The following NBPF19 variants were observed in gnomAD, a reference collection of about 807,000 sequenced individuals.
NBPF19 encodes the protein NBPF family member NBPF19.
Under a neutral mutation model 45.9 loss-of-function variants are expected in NBPF19, and 30 were observed. That is an observed-to-expected ratio of 0.65 (90% confidence interval 0.49 to 0.89). The LOEUF (loss-of-function observed/expected upper bound fraction) is 0.89, where lower values mean the gene tolerates loss of function less well. Ranked by LOEUF, NBPF19 falls within the 40% of genes least tolerant of loss-of-function variation. The pLI, the probability that NBPF19 is intolerant of heterozygous loss-of-function variation, is 0.00. For missense variants in NBPF19, 495 were observed against 471.8 expected, an observed-to-expected ratio of 1.05 and a Z score of -0.46; for synonymous variants, 183 against 181.2, an observed-to-expected ratio of 1.01 and a Z score of -0.08.
rs2087215245 is a variant in NBPF19, at chr1:149,555,066, A to T, written c.*328A>T. ...TGCAGGCATGTCTCTGAGCTTCTAT[A>T]CCTGCTCAAGGTCAGTGTCATCTTT... is the stretch of plus-strand genomic sequence containing the variant. On this transcript the variant is annotated 3_prime_UTR_variant, in exon 94 of 94. Transcript: ENST00000651566. The T allele has an allele frequency of 7.5e-6, 3 of 400,920 alleles. No homozygotes were observed. 24.8% of individuals were successfully genotyped at this position (400,920 alleles called of 1,614,324 possible). A position where few individuals can be genotyped will look rare whatever the true frequency, so the allele number is the denominator to read the frequency against.
intron 3 of NBPF19, among the ~76,000 whole-genome samples, chr1:149,478,370 C>T (rs1209184911): frequency 6.6e-6 from 1 of 151,244 alleles, no homozygotes; most frequent in Non-Finnish European, 1.5e-5. Context: ...CACCACCCCA[C>T]TTACCCTTAG....
At chr1:149,554,390 C>T in intron 93 of NBPF19, 105 bp from the exon 94 acceptor site, 2 of 1,600,450 alleles carry the variant, frequency 1.2e-6, no homozygotes, top group South Asian at 1.1e-5. Flanking sequence ...TGGATCTATC[C>T]TTTTTCTTTT....
Position 149,488,167 on chromosome 1 carries a change from T to C in NBPF19, c.1195T>C (p.Leu399=). 3.0e-6 allele frequency: 2 copies of C among 671,702 alleles called. No individual in the cohort carries two copies. Among genetic ancestry groups the C allele is most frequent in the Admixed American group, 4.5e-5 (2 of 44,756 alleles). 41.6% of individuals were successfully genotyped at this position (671,702 alleles called of 1,614,324 possible). A position where few individuals can be genotyped will look rare whatever the true frequency, so the allele number is the denominator to read the frequency against. The part of the protein sequence containing the change: ...FYVLEQQRVG[L]AIDMDEIEKY... ...CGTATTGGAGCAACAGCGTGTTGGCTTGGCTATTGACATGGATGGTGAGTA... is the reference window on the plus strand; with the variant it reads ...CGTATTGGAGCAACAGCGTGTTGGCCTGGCTATTGACATGGATGGTGAGTA... Residue 399 remains leucine (L), a synonymous_variant, in exon 10 of 94, where the codon TTG becomes CTG. Coordinates refer to ENST00000651566, the MANE Select transcript of NBPF19 (RefSeq NM_001351365.2).
In NBPF19 at chr1:149,554,539, A is replaced by T; in HGVS notation, c.11333A>T (p.Gln3778Leu). Residue 3778 changes from glutamine to leucine, a missense_variant, in exon 94 of 94, where the codon CAG becomes CTG. Physicochemically the swap from Gln to Leu is moderately radical, Grantham distance 113. This residue lies in a region of NBPF19 where 248 missense variants were observed against 95.4 expected (regional missense o/e 2.60). Transcript: ENST00000651566. Reference protein sequence around the residue: ...LMEVEEPEVLQDSLDGCYSTP... With the variant: ...LMEVEEPEVLLDSLDGCYSTP... ...GAAGTGGAAGAGCCTGAAGTCTTAC[A>T]GGACTCACTGGATGGATGTTATTCG... 3 of 1,608,272 alleles carry T rather than the reference A, an allele frequency of 1.9e-6. No individual in the cohort carries two copies. The highest frequency in any genetic ancestry group is 1.7e-5 in the Admixed American group (1 of 59,874).
In NBPF19 at chr1:149,555,031, G is replaced by T. The variant is rs2087214274; in HGVS notation, c.*293G>T. Reference sequence around the variant, plus strand: ...TTGGGTAGCTACAAAATTCCTCAGGGATTTCATTTTGCAGGCATGTCTCTG... The same window carrying T: ...TTGGGTAGCTACAAAATTCCTCAGGTATTTCATTTTGCAGGCATGTCTCTG... On this transcript the variant is annotated 3_prime_UTR_variant, in exon 94 of 94. Coordinates refer to ENST00000651566, the MANE Select transcript of NBPF19 (RefSeq NM_001351365.2). 3.5e-5 allele frequency: 17 copies of T among 492,408 alleles called. 2 individuals carry two copies. The South Asian group carries it at 3.6e-4, about 10-fold the overall frequency. The allele number at this position is 492,408 out of a possible 1,614,324, so 30.5% of individuals were successfully genotyped here.
Position 149,553,811 on chromosome 1 carries a change from A to G in NBPF19, c.11217A>G (p.Gly3739=). Residue 3739 remains glycine, a synonymous_variant, in exon 93 of 94, where the codon GGA becomes GGG. Coordinates refer to ENST00000651566, the MANE Select transcript of NBPF19 (RefSeq NM_001351365.2). ...EKKGKGKKRR[G]RRSKKERRRG... ...AGGGGAAGGGGAAGAAAAGAAGGGGAAGAAGATCAAAGAAGGAAAGAAGAA... is the reference window on the plus strand; with the variant it reads ...AGGGGAAGGGGAAGAAAAGAAGGGGGAGAAGATCAAAGAAGGAAAGAAGAA... 7.4e-6 allele frequency: 1 copy of G among 135,102 alleles called. No homozygotes were observed. Among genetic ancestry groups the G allele is most frequent in the South Asian group, 4.4e-5 (1 of 22,616 alleles). The allele number at this position is 135,102 out of a possible 1,614,324, so 8.4% of individuals were successfully genotyped here.
chr1:149,487,369 G>C lies in NBPF19; in HGVS notation c.1026G>C (p.Glu342Asp). The change falls in exon 9 of 94, where the codon GAG becomes GAC. Residue 342 changes from glutamate to aspartate, a missense_variant. Glu to Asp is a conservative substitution (Grantham distance 45). This residue lies in a region of NBPF19 where 146 missense variants were observed against 67.3 expected (regional missense o/e 2.17). Transcript: ENST00000651566. ...ATCAAGTGAAAAAGGAGGACCAAGA[G>C]GCAACAGGTCCCAGGTGAGTCTGAG... ...RWDQVKKEDQEATGPRLSREL... is the reference protein window; with the variant it reads ...RWDQVKKEDQDATGPRLSREL... 3.9e-6 allele frequency: 6 copies of C among 1,551,340 alleles called. No individual in the cohort carries two copies. Among genetic ancestry groups the C allele is most frequent in the Non-Finnish European group, 5.3e-6 (6 of 1,136,318 alleles).
At position 149,554,729 on chromosome 1, in the gene NBPF19, C is replaced by G; in HGVS notation, c.11523C>G (p.Phe3841Leu). Residue 3841 changes from phenylalanine (F) to leucine (L), a missense_variant, in exon 94 of 94, where the codon TTC (phenylalanine) becomes TTG (leucine). Phe to Leu is a conservative substitution (Grantham distance 22, BLOSUM62 0). Coordinates refer to ENST00000651566, the MANE Select transcript of NBPF19 (RefSeq NM_001351365.2). ...LHLVFQMLVI[F>L]PQ ...TGGTGTTCCAGATGTTAGTCATATTCCCACAATAGGCAGCCCTTACTAAGC... is the reference window on the plus strand; with the variant it reads ...TGGTGTTCCAGATGTTAGTCATATTGCCACAATAGGCAGCCCTTACTAAGC... 6.2e-7 allele frequency: 1 copy of G among 1,608,144 alleles called. No homozygotes were observed. The highest frequency in any genetic ancestry group is 8.5e-7 in the Non-Finnish European group (1 of 1,176,652).
Position 149,554,844 on chromosome 1 carries a change from G to A in NBPF19, c.*106G>A. On this transcript the variant is annotated 3_prime_UTR_variant, in exon 94 of 94. Transcript: ENST00000651566. Reference sequence around the variant, plus strand: ...CCATTTGGAAGCCCAGACATAGGATGGGTCAGTGGGCATGGCTCTTTTCCT... The same window carrying A: ...CCATTTGGAAGCCCAGACATAGGATAGGTCAGTGGGCATGGCTCTTTTCCT... 1 of 1,564,138 alleles carries A rather than the reference G, an allele frequency of 6.4e-7. No homozygotes were observed. Among genetic ancestry groups the A allele is most frequent in the Non-Finnish European group, 8.7e-7 (1 of 1,148,202 alleles).
In NBPF19 at chr1:149,488,145, A is replaced by C. The variant is rs1407004116; in HGVS notation, c.1173A>C (p.Val391=). Residue 391 remains valine, a synonymous_variant, in exon 10 of 94, where the codon GTA becomes GTC. Transcript: ENST00000651566. ...AGCCCTACAGAAGTGCCTTTTACGT[A>C]TTGGAGCAACAGCGTGTTGGCTTGG... ...SCQPYRSAFY[V]LEQQRVGLAI... 2.9e-6 allele frequency: 2 copies of C among 681,040 alleles called. No individual in the cohort carries two copies. Among genetic ancestry groups the C allele is most frequent in the Non-Finnish European group, 5.3e-6 (2 of 378,966 alleles). 42.2% of individuals were successfully genotyped at this position (681,040 alleles called of 1,614,324 possible).
chr1:149,475,424 A>C lies in NBPF19; in HGVS notation c.-407A>C, dbSNP rs2084767151. On this transcript the variant is annotated 5_prime_UTR_variant, in exon 1 of 94. Coordinates refer to ENST00000651566, the MANE Select transcript of NBPF19 (RefSeq NM_001351365.2). Reference sequence around the variant, plus strand: ...TACAGACAAGAGATAAACAGTGAGGAATATGCTTAGATGTATTGGGAAAGA... The same window carrying C: ...TACAGACAAGAGATAAACAGTGAGGCATATGCTTAGATGTATTGGGAAAGA... Among the ~76,000 whole-genome samples the C allele has an allele frequency of 6.6e-6, 1 of 150,692 alleles. No individual in the cohort carries two copies. The highest frequency in any genetic ancestry group is 6.6e-5 in the Admixed American group (1 of 15,100).
intron 7 of NBPF19, among the ~76,000 whole-genome samples, chr1:149,483,636 T>C (rs1196195139): frequency 1.3e-5 from 2 of 149,230 alleles, no homozygotes; most frequent in Admixed American, 6.7e-5. Context: ...CAATGGTCTT[T>C]ACAGTTTGGC....
intron 8 of NBPF19, among the ~76,000 whole-genome samples, chr1:149,486,653 C>A (rs2085524303): frequency 6.6e-6 from 1 of 151,374 alleles, no homozygotes; most frequent in Admixed American, 6.6e-5. Flanking sequence ...CTACAAAATT[C>A]CTTATGAGTT....
rs1237355395 is a variant in NBPF19 at position 149,494,100 on chromosome 1, C to G, written c.1998-218C>G. 2.9e-5 allele frequency among the ~76,000 whole-genome samples: 4 copies of G among 135,756 alleles called. 1 individual carries two copies. Among genetic ancestry groups the G allele is most frequent in the East Asian group, 4.7e-4 (2 of 4,290 alleles). 89.1% of individuals were successfully genotyped at this position (135,756 alleles called of 152,430 possible). A position where few individuals can be genotyped will look rare whatever the true frequency, so the allele number is the denominator to read the frequency against. On this transcript the variant is annotated intron_variant, in intron 17 of 93. Transcript: ENST00000651566. ...TCGCTGAGCTCACTTTCTCCTCTCTCTCTCTCTCTCTCTCTCTCCCTCTCC... is the reference window on the plus strand; with the variant it reads ...TCGCTGAGCTCACTTTCTCCTCTCTGTCTCTCTCTCTCTCTCTCCCTCTCC...
intron 7 of NBPF19, among the ~76,000 whole-genome samples, chr1:149,483,490 C>T (rs2085325952): frequency 1.6e-5 from 2 of 126,498 alleles, no homozygotes; most frequent in East Asian, 4.7e-4. Context: ...ATCCAATTTG[C>T]CATTCTGTGT....
At chr1:149,487,131 G>A (rs1421074296) in intron 8 of NBPF19, among the ~76,000 whole-genome samples, 5 of 149,976 alleles carry the variant, frequency 3.3e-5, no homozygotes, top group Non-Finnish European at 7.5e-5. Flanking sequence ...TCCAACACAG[G>A]GGAATTTTGC....
intron 49 of NBPF19, among the ~76,000 whole-genome samples, chr1:149,519,470 T>C (rs2086618371): frequency 4.1e-5 from 2 of 48,774 alleles, no homozygotes; most frequent in Non-Finnish European, 3.9e-5. Flanking sequence ...TGTGTGTGTG[T>C]GTGTGTGTGT....
intron 61 of NBPF19, among the ~76,000 whole-genome samples, chr1:149,528,831 C>T (rs1294482376): frequency 3.3e-5 from 4 of 120,360 alleles, no homozygotes; most frequent in Admixed American, 8.5e-5. Flanking sequence ...TTATTGAGCA[C>T]AGTCTTTTCA....
intron 10 of NBPF19, among the ~76,000 whole-genome samples, 158 bp downstream of exon 10, chr1:149,488,343 C>T (rs200211946): frequency 7.1e-6 from 1 of 141,554 alleles, no homozygotes; most frequent in Non-Finnish European, 1.5e-5. Flanking sequence ...TTCCACTTGG[C>T]AGCCCAGACA....
Sources: gnomAD v4.1 joint callset for allele counts (sites outside exome capture counted in the v4.1 genomes callset) on GRCh38, gnomAD v4.1.1 for gene constraint, gnomAD v4.1.1 regional missense constraint, MANE v1.5 for transcripts, NCBI Gene and HGNC (gene_info 2026-07-23, HGNC 2026-07-21) for gene names.